Variants in CPLANE1 observed in about 807,000 individuals in gnomAD.
CPLANE1 encodes the protein ciliogenesis and planar polarity effector 1.
In CPLANE1, 263 loss-of-function variants were observed where a neutral mutation model predicts 362.5. The ratio of observed to expected loss-of-function variants is 0.73; its 90% confidence interval spans 0.66 to 0.80. The LOEUF (loss-of-function observed/expected upper bound fraction) is 0.80. CPLANE1 is among the 30% of genes least tolerant of loss of function. CPLANE1 has a pLI of 0.00. For missense variants in CPLANE1, 3,461 were observed against 3,793.4 expected (o/e 0.91, Z 2.30); for synonymous variants, 1,212 against 1,302.6 (o/e 0.93, Z 1.50).
At chr5:37,150,164 C>T (rs896057923) in intron 42 of CPLANE1, among the ~76,000 whole-genome samples, 1 of 152,144 alleles carries the variant, frequency 6.6e-6, no homozygotes, top group East Asian at 1.9e-4. Context: ...AGTCCAAATG[C>T]TTAATGGACT....
chr5:37,161,229 TA>T (rs1776779791), intron 38 of CPLANE1, among the ~76,000 whole-genome samples: 1 of 152,228 alleles, frequency 6.6e-6, no homozygotes, highest in Non-Finnish European at 1.5e-5. Context: ...GTATCCCTTG[TA>T]ATGCAAATCT....
rs1782087236 is a variant in CPLANE1, at chr5:37,179,459, G to A, written c.5738-16C>T. 1 of 1,573,154 alleles carries A rather than the reference G, an allele frequency of 6.4e-7. No individual in the cohort carries two copies. The highest frequency in any genetic ancestry group is 1.1e-5 in the South Asian group (1 of 87,394). Reference sequence around the variant, plus strand: ...TCAATGTCTTCTAGCGATAAGTGAAGATGAAGAGAAAACTGATCATTTAAA... The same window carrying A: ...TCAATGTCTTCTAGCGATAAGTGAAAATGAAGAGAAAACTGATCATTTAAA... On this transcript the variant is annotated splice_polypyrimidine_tract_variant and intron_variant, in intron 28 of 52. Transcript: ENST00000651892.
chr5:37,128,597 C>G (rs183543716), intron 46 of CPLANE1, among the ~76,000 whole-genome samples: 1 of 152,278 alleles, frequency 6.6e-6, no homozygotes, highest in African/African-American at 2.4e-5. Context: ...TGGCTCACAC[C>G]TGTAATCCCA....
intron 9 of CPLANE1, 120 bp from the exon 10 acceptor site, chr5:37,227,937 C>T: frequency 1.1e-6 from 1 of 896,680 alleles, no homozygotes; most frequent in South Asian, 1.9e-5. Flanking sequence ...AAGTGAAACA[C>T]ACAAAAATAT....
At position 37,245,787 on chromosome 5, in the gene CPLANE1, G is replaced by A; in HGVS notation, c.140C>T (p.Ser47Leu). 6.5e-7 allele frequency: 1 copy of A among 1,532,974 alleles called. No homozygotes were observed. The highest frequency in any genetic ancestry group is 8.8e-7 in the Non-Finnish European group (1 of 1,140,948). 95.0% of individuals were successfully genotyped at this position (1,532,974 alleles called of 1,614,324 possible). A position where few individuals can be genotyped will look rare whatever the true frequency, so the allele number is the denominator to read the frequency against. The stretch of plus-strand genomic sequence containing the variant: ...AGGAATTTTCTTCTTTATCTTTCCT[G>A]ATAGCAAATTAATTTCATTTATGAA... ...DKFINEINLL[S>L]GKIKKKIPSL... The change falls in exon 3 of 53, where the codon TCA becomes TTA. Residue 47 changes from serine (S) to leucine (L), a missense_variant. Ser to Leu is a moderately radical substitution (Grantham distance 145). Around this residue, in one of 2 missense-constraint regions of CPLANE1, gnomAD observed 3,380 missense variants for 3,666.1 expected, o/e 0.92. Transcript: ENST00000651892.
Position 37,186,310 on chromosome 5 carries a change from T to A in CPLANE1, c.4165A>T (p.Arg1389Ter). Residue 1389 changes from arginine to a stop codon, truncating the protein, a stop_gained, in exon 24 of 53, where the codon AGA becomes TGA. Transcript: ENST00000651892. LOFTEE classifies it high-confidence loss of function. ...LRDKYHSLHQRLRHCVVKGPQ... is the reference protein window; with the variant it reads ...LRDKYHSLHQ ...CCTTTCACAACACAGTGTCTGAGTC[T>A]CTGGTGAAGAGAGTGATATTTGTCT... 1 of 1,564,698 alleles carries A rather than the reference T, an allele frequency of 6.4e-7. No homozygotes were observed. The highest frequency in any genetic ancestry group is 8.8e-7 in the Non-Finnish European group (1 of 1,135,754).
At chr5:37,231,345 C>T (rs1260346801) in intron 8 of CPLANE1, among the ~76,000 whole-genome samples, 1 of 152,064 alleles carries the variant, frequency 6.6e-6, no homozygotes, top group Non-Finnish European at 1.5e-5. Flanking sequence ...TTTGGGAGGC[C>T]GAGGCAGGCG....
intron 37 of CPLANE1, among the ~76,000 whole-genome samples, chr5:37,163,604 T>C (rs939652574): frequency 1.3e-5 from 2 of 152,172 alleles, no homozygotes; most frequent in Non-Finnish European, 2.9e-5. Context: ...AAATATATAT[T>C]TGGTCTACAA....
intron 8 of CPLANE1, among the ~76,000 whole-genome samples, chr5:37,234,898 T>C (rs1798603305): frequency 6.6e-6 from 1 of 152,224 alleles, no homozygotes. Flanking sequence ...GACGTTGTTC[T>C]GTGGTATCAA....
Position 37,184,800 on chromosome 5 carries a change from T to C in CPLANE1, c.4469A>G (p.Asn1490Ser), listed in dbSNP as rs1783548052. The part of the protein sequence containing the change: ...ALSVEEKSRI[N>S]IYQRNAPNHM... Reference sequence around the variant, plus strand: ...ATCTCAATTGTACCTTTGATAGATATTTATCCTACTTTTTTCTTCAACCGA... The same window carrying C: ...ATCTCAATTGTACCTTTGATAGATACTTATCCTACTTTTTTCTTCAACCGA... The change falls in exon 25 of 53, where the codon AAT (asparagine) becomes AGT (serine). Residue 1490 changes from asparagine (N) to serine (S), a missense_variant. Asn to Ser is a conservative substitution (Grantham distance 46, BLOSUM62 1). Transcript: ENST00000651892. The C allele has an allele frequency of 6.2e-7, 1 of 1,611,248 alleles. No homozygotes were observed. Among genetic ancestry groups the C allele is most frequent in the South Asian group, 1.1e-5 (1 of 90,406 alleles).
At chr5:37,158,548 C>A (rs1033965049) in intron 38 of CPLANE1, among the ~76,000 whole-genome samples, 1 of 152,046 alleles carries the variant, frequency 6.6e-6, no homozygotes, top group African/African-American at 2.4e-5. Flanking sequence ...TGAATGTAAG[C>A]TGACTATTGT....
At chr5:37,161,358 T>G (rs775315714) in intron 38 of CPLANE1, among the ~76,000 whole-genome samples, 8 of 152,148 alleles carry the variant, frequency 5.3e-5, no homozygotes, top group Non-Finnish European at 1.0e-4. Context: ...CAAACATCAT[T>G]AAACAACTCT....
chr5:37,212,535 T>C (rs1006014753), intron 16 of CPLANE1, among the ~76,000 whole-genome samples: 1 of 152,012 alleles, frequency 6.6e-6, no homozygotes, highest in African/African-American at 2.4e-5. Flanking sequence ...TGTTTTCGTA[T>C]TATCAATTTC....
intron 46 of CPLANE1, among the ~76,000 whole-genome samples, chr5:37,135,726 G>A (rs1767505029): frequency 1.3e-5 from 2 of 151,936 alleles, no homozygotes; most frequent in South Asian, 4.2e-4. Context: ...CCAGCTACTC[G>A]GGAGGCTGAG....
At chr5:37,212,070 C>A in intron 16 of CPLANE1, 1 of 902,374 alleles carries the variant, frequency 1.1e-6, no homozygotes, top group Non-Finnish European at 1.9e-6. Context: ...GAGTAACCTA[C>A]AAGAAATTTT....
At position 37,239,880 on chromosome 5, in the gene CPLANE1, A is replaced by G; in HGVS notation, c.678-11T>C. 3 of 1,447,008 alleles carry G rather than the reference A, an allele frequency of 2.1e-6. No individual in the cohort carries two copies. Among genetic ancestry groups the G allele is most frequent in the South Asian group, 3.0e-5 (2 of 65,972 alleles). 89.6% of individuals were successfully genotyped at this position (1,447,008 alleles called of 1,614,324 possible). On this transcript the variant is annotated splice_polypyrimidine_tract_variant and intron_variant, in intron 6 of 52. Transcript: ENST00000651892. ...TGGTATGGCAATGATCTAAAAAAGT[A>G]ATGAAATAATTGAAAACAAAAGGTA...
At chr5:37,102,863 T>C (rs1454929604), downstream of CPLANE1, among the ~76,000 whole-genome samples, 5 of 152,226 alleles carry the variant, frequency 3.3e-5, no homozygotes, top group East Asian at 9.6e-4. Flanking sequence ...GAAGAATGTA[T>C]ATTCTGTTGT....
chr5:37,098,694 C>T, the CPLANE1 span, among the ~76,000 whole-genome samples: 1 of 150,394 alleles, frequency 6.6e-6, no homozygotes, highest in South Asian at 2.1e-4. Flanking sequence ...CTTTTCTGAA[C>T]ACAATGGAAT....
the CPLANE1 span, among the ~76,000 whole-genome samples, chr5:37,083,108 G>A: frequency 6.6e-6 from 1 of 152,194 alleles, no homozygotes; most frequent in African/African-American, 2.4e-5. Flanking sequence ...ACAGGACTCT[G>A]TGCAGACAAC....
Sources: allele counts gnomAD v4.1 joint callset (sites outside exome capture counted in the v4.1 genomes callset), GRCh38; gene constraint gnomAD v4.1.1; regional missense constraint gnomAD v4.1.1; transcripts MANE v1.5; gene names NCBI Gene and HGNC (gene_info 2026-07-23, HGNC 2026-07-21).